Variants in CPSF6 observed in about 807,000 individuals in gnomAD.
CPSF6 encodes the protein cleavage and polyadenylation specificity factor subunit 6.
Under a neutral mutation model 56.7 loss-of-function variants are expected in CPSF6, and 10 were observed. The ratio of observed to expected loss-of-function variants is 0.18; its 90% confidence interval spans 0.11 to 0.30. The LOEUF (loss-of-function observed/expected upper bound fraction) is 0.30. Ranked by LOEUF, CPSF6 falls within the 10% of genes least tolerant of loss-of-function variation. The pLI is 1.00. For missense variants in CPSF6, 419 were observed against 722.9 expected (o/e 0.58, Z 4.82); for synonymous variants, 248 against 244.8 (o/e 1.01, Z -0.12).
intron 1 of CPSF6, 99 bp downstream of exon 1, chr12:69,239,805 A>T: frequency 8.4e-7 from 1 of 1,184,868 alleles, no homozygotes. Flanking sequence ...GCGACTGCAG[A>T]GTGTGCGCCC....
At chr12:69,239,820 C>T (rs1225058858) in intron 1 of CPSF6, 114 bp downstream of exon 1, 7 of 915,056 alleles carry the variant, frequency 7.6e-6, no homozygotes, top group South Asian at 5.2e-5. Flanking sequence ...GCGCCCTTGC[C>T]GCCTCTGGGC....
intron 1 of CPSF6, among the ~76,000 whole-genome samples, chr12:69,246,815 G>A (rs754682557): frequency 1.5e-4 from 23 of 152,038 alleles, no homozygotes; most frequent in Non-Finnish European, 3.1e-4. Context: ...TATAATGCAC[G>A]AATTTTGTAT....
intron 1 of CPSF6, among the ~76,000 whole-genome samples, chr12:69,243,524 C>G (rs1427363885): frequency 6.6e-6 from 1 of 152,190 alleles, no homozygotes; most frequent in Non-Finnish European, 1.5e-5. Context: ...AGGCTACAAA[C>G]TTGTACAACA....
chr12:69,263,407 AATTTT>A (rs1246906978), intron 9 of CPSF6, among the ~76,000 whole-genome samples: 3 of 152,060 alleles, frequency 2.0e-5, no homozygotes, highest in African/African-American at 7.2e-5. Context: ...TTTCACATGT[AATTTT>A]ATTTTTTATA....
intron 9 of CPSF6, among the ~76,000 whole-genome samples, chr12:69,262,956 A>T (rs1248391600): frequency 6.6e-6 from 1 of 152,176 alleles, no homozygotes; most frequent in African/African-American, 2.4e-5. Context: ...TTGGATTTTT[A>T]AAAATAAATG....
chr12:69,258,507 T>C lies in CPSF6; in HGVS notation c.695-83T>C. 1 of 1,402,422 alleles carries C rather than the reference T, an allele frequency of 7.1e-7. No individual in the cohort carries two copies. Among genetic ancestry groups the C allele is most frequent in the South Asian group, 1.4e-5 (1 of 70,910 alleles). 86.9% of individuals were successfully genotyped at this position (1,402,422 alleles called of 1,614,324 possible). A position where few individuals can be genotyped will look rare whatever the true frequency, so the allele number is the denominator to read the frequency against. ...AGACTTGGTGTATGCTCTATGCGTTTAAAGTATAATCTTGGCATATAAAAG... is the reference window on the plus strand; with the variant it reads ...AGACTTGGTGTATGCTCTATGCGTTCAAAGTATAATCTTGGCATATAAAAG... On this transcript the variant is annotated intron_variant, in intron 5 of 9. Coordinates refer to ENST00000435070, the MANE Select transcript of CPSF6 (RefSeq NM_007007.3). The surrounding 1 kb of genome is among the most constrained non-coding windows in gnomAD (Gnocchi z 4.2).
chr12:69,240,214 C>T (rs1871538127), intron 1 of CPSF6, among the ~76,000 whole-genome samples: 1 of 152,222 alleles, frequency 6.6e-6, no homozygotes, highest in Non-Finnish European at 1.5e-5. Context: ...CCTGCCCGCG[C>T]ACTGTCGCCT....
At chr12:69,268,698 G>A (rs1873108427) in intron 9 of CPSF6, among the ~76,000 whole-genome samples, 1 of 151,602 alleles carries the variant, frequency 6.6e-6, no homozygotes, top group South Asian at 2.1e-4. Flanking sequence ...AATGTTTCTT[G>A]TGAACCTCTA....
chr12:69,244,950 A>G (rs1871815182), intron 1 of CPSF6, among the ~76,000 whole-genome samples: 2 of 152,192 alleles, frequency 1.3e-5, no homozygotes, highest in Admixed American at 6.5e-5. Flanking sequence ...ACACTCTAAC[A>G]TAATGATTAA....
intron 2 of CPSF6, among the ~76,000 whole-genome samples, chr12:69,251,786 T>C (rs10878948): frequency 0.14 from 21,412 of 152,184 alleles, 1,594 homozygotes; most frequent in Non-Finnish European, 0.16. Context: ...TGCCCTTAAA[T>C]TTGAAATCTG....
At position 69,270,558 on chromosome 12, in the gene CPSF6, G is replaced by A. The variant is rs1873195087; in HGVS notation, c.*1050G>A. 1 of 151,576 alleles carries A rather than the reference G, an allele frequency of 6.6e-6. No homozygotes were observed. Among genetic ancestry groups the A allele is most frequent in the South Asian group, 2.1e-4 (1 of 4,828 alleles). The allele number at this position is 151,576 out of a possible 1,614,324, so 9.4% of individuals were successfully genotyped here. The stretch of plus-strand genomic sequence containing the variant: ...AAAGAGAGCCTTATATTTTCCAATT[G>A]GTATAAATTTTTGAAGGATGTGATG... On this transcript the variant is annotated 3_prime_UTR_variant, in exon 10 of 10. Transcript: ENST00000435070.
intron 1 of CPSF6, among the ~76,000 whole-genome samples, chr12:69,247,384 A>T (rs1340328964): frequency 6.7e-6 from 1 of 148,602 alleles, no homozygotes; most frequent in African/African-American, 2.5e-5. Flanking sequence ...TTTTTTTTTT[A>T]AACAAACCCT....
chr12:69,256,433 ATTAT>A (rs1199802098), intron 3 of CPSF6, among the ~76,000 whole-genome samples: 1 of 152,122 alleles, frequency 6.6e-6, no homozygotes, highest in Non-Finnish European at 1.5e-5. Flanking sequence ...AGTTTTTAAA[ATTAT>A]TTATTTTTAG....
At position 69,273,019 on chromosome 12, in the gene CPSF6, T is replaced by G. The variant is rs1478229643; in HGVS notation, c.*3511T>G. 1 of 237,666 alleles carries G rather than the reference T, an allele frequency of 4.2e-6. No individual in the cohort carries two copies. The highest frequency in any genetic ancestry group is 9.1e-6 in the Non-Finnish European group (1 of 109,904). The allele number at this position is 237,666 out of a possible 1,614,324, so 14.7% of individuals were successfully genotyped here. A position where few individuals can be genotyped will look rare whatever the true frequency, so the allele number is the denominator to read the frequency against. ...AATATTCAACCAAAAATTATAAATTTATTAAGATGTGGCCTTACATATGGC... is the reference window on the plus strand; with the variant it reads ...AATATTCAACCAAAAATTATAAATTGATTAAGATGTGGCCTTACATATGGC... On this transcript the variant is annotated 3_prime_UTR_variant, in exon 10 of 10. Coordinates refer to ENST00000435070, the MANE Select transcript of CPSF6 (RefSeq NM_007007.3).
Position 69,258,913 on chromosome 12 carries a change from C to T in CPSF6, c.1018C>T (p.Pro340Ser). The change falls in exon 6 of 10, where the codon CCT becomes TCT. Residue 340 changes from proline to serine, a missense_variant. Pro to Ser is a moderately conservative substitution (Grantham distance 74, BLOSUM62 -1). This residue lies in a region of CPSF6 where 211 missense variants were observed against 296.0 expected (regional missense o/e 0.71). Transcript: ENST00000435070. This position sits in a 1 kb window ranked among gnomAD's most constrained non-coding sequence, Gnocchi z 4.2. ...PLGPPLTLAPPPHLPGPPPGA... is the reference protein window; with the variant it reads ...PLGPPLTLAPSPHLPGPPPGA... ...TGGGCCACCCCTTACACTAGCTCCT[C>T]CTCCGCATCTTCCTGGACCACCTCC... 1 of 1,614,146 alleles carries T rather than the reference C, an allele frequency of 6.2e-7. No individual in the cohort carries two copies. Among genetic ancestry groups the T allele is most frequent in the Non-Finnish European group, 8.5e-7 (1 of 1,180,022 alleles).
chr12:69,251,841 G>A (rs1479647361), intron 2 of CPSF6, among the ~76,000 whole-genome samples: 1 of 152,118 alleles, frequency 6.6e-6, no homozygotes, highest in African/African-American at 2.4e-5. Context: ...AATTTGGGTT[G>A]TCATGAGACT....
intron 8 of CPSF6, among the ~76,000 whole-genome samples, chr12:69,260,638 C>T (rs1216879506): frequency 1.3e-5 from 2 of 152,222 alleles, no homozygotes; most frequent in African/African-American, 4.8e-5. Context: ...GGTGGGGCTT[C>T]TCCCAAGTTA....
intron 1 of CPSF6, 97 bp downstream of exon 1, chr12:69,239,803 A>C: frequency 1.6e-6 from 2 of 1,231,254 alleles, no homozygotes; most frequent in Non-Finnish European, 2.2e-6. Flanking sequence ...AAGCGACTGC[A>C]GAGTGTGCGC....
At chr12:69,244,664 G>A (rs1871797360) in intron 1 of CPSF6, among the ~76,000 whole-genome samples, 1 of 151,780 alleles carries the variant, frequency 6.6e-6, no homozygotes, top group Non-Finnish European at 1.5e-5. Context: ...AAAGGAGGCT[G>A]GAATTACAGG....
Sources: allele counts gnomAD v4.1 joint callset (sites outside exome capture counted in the v4.1 genomes callset), GRCh38; gene constraint gnomAD v4.1.1; regional missense constraint gnomAD v4.1.1; non-coding constraint Gnocchi (gnomAD v3.1); transcripts MANE v1.5; gene names NCBI Gene and HGNC (gene_info 2026-07-23, HGNC 2026-07-21).